Variants in FTCDNL1 observed in about 807,000 individuals in gnomAD.
FTCDNL1 encodes formiminotransferase cyclodeaminase N-terminal like, also known as formiminotransferase N-terminal subdomain-containing protein.
In FTCDNL1, 11 loss-of-function variants were observed where a neutral mutation model predicts 5.9. That is an observed-to-expected ratio of 1.87 (90% CI 1.18 to 3.10). The LOEUF (loss-of-function observed/expected upper bound fraction) is 3.10, where lower values mean the gene tolerates loss of function less well. Among genes scored for constraint, FTCDNL1 ranks in the 30% most tolerant of loss-of-function variants. The pLI, the probability that FTCDNL1 is intolerant of heterozygous loss-of-function variation, is 0.00. For synonymous variants in FTCDNL1, 58 were observed against 24.8 expected (o/e 2.34, Z -3.99); for missense variants, 115 against 65.5 (o/e 1.76, Z -2.61).
intron 3 of FTCDNL1, among the ~76,000 whole-genome samples, chr2:199,764,011 T>G (rs970671492): frequency 6.6e-6 from 1 of 152,032 alleles, no homozygotes; most frequent in African/African-American, 2.4e-5. Context: ...CTGGCTAATT[T>G]TTATATTTTT....
the FTCDNL1 span, among the ~76,000 whole-genome samples, chr2:199,725,076 G>A: frequency 6.6e-6 from 1 of 152,136 alleles, no homozygotes; most frequent in Admixed American, 6.5e-5. Flanking sequence ...TGTATTGGAT[G>A]CATATATATA....
At chr2:199,743,136 G>T in the FTCDNL1 span, among the ~76,000 whole-genome samples, 1 of 152,150 alleles carries the variant, frequency 6.6e-6, no homozygotes, top group African/African-American at 2.4e-5. Context: ...ACAGTGGTGT[G>T]GTTACCATAA....
rs950762123 is a variant in FTCDNL1 at position 199,809,760 on chromosome 2, A to G, written c.*2945T>C. On this transcript the variant is annotated 3_prime_UTR_variant, in exon 5 of 5. Coordinates refer to ENST00000420128, the MANE Select transcript of FTCDNL1 (RefSeq NM_001363886.2). ...CCAACACCATCATGCCATCTCCCCA[A>G]TATAAACATTTCAAAATTCTATATC... 6.6e-6 allele frequency among the ~76,000 whole-genome samples: 1 copy of G among 152,210 alleles called. No homozygotes were observed. The highest frequency in any genetic ancestry group is 1.5e-5 in the Non-Finnish European group (1 of 68,038).
chr2:199,824,001 G>A (rs1236834052), intron 3 of FTCDNL1, among the ~76,000 whole-genome samples: 1 of 152,098 alleles, frequency 6.6e-6, no homozygotes, highest in Non-Finnish European at 1.5e-5. Flanking sequence ...TTTTTGTAGA[G>A]ACAGGGTCTC....
the FTCDNL1 span, among the ~76,000 whole-genome samples, chr2:199,721,422 C>T: frequency 6.6e-6 from 1 of 152,132 alleles, no homozygotes; most frequent in African/African-American, 2.4e-5. Flanking sequence ...CTTCCAGGTC[C>T]ATCCATGTCC....
intron 3 of FTCDNL1, among the ~76,000 whole-genome samples, chr2:199,771,827 C>A (rs1322057737): frequency 1.3e-5 from 2 of 152,202 alleles, no homozygotes. Flanking sequence ...GAATATACTA[C>A]TTCCCCCCTT....
At chr2:199,796,227 G>A (rs755926642) in intron 3 of FTCDNL1, among the ~76,000 whole-genome samples, 3 of 151,978 alleles carry the variant, frequency 2.0e-5, no homozygotes, top group African/African-American at 4.8e-5. Flanking sequence ...AGTTTATCAC[G>A]GTGACAATAA....
At chr2:199,709,884 A>G in the FTCDNL1 span, among the ~76,000 whole-genome samples, 2 of 149,352 alleles carry the variant, frequency 1.3e-5, no homozygotes, top group Non-Finnish European at 2.9e-5. Flanking sequence ...TATTGTCACA[A>G]TACCTCTTTT....
At chr2:199,672,350 A>T in the FTCDNL1 span, among the ~76,000 whole-genome samples, 1 of 152,220 alleles carries the variant, frequency 6.6e-6, no homozygotes, top group Non-Finnish European at 1.5e-5. Flanking sequence ...ATATAAATAG[A>T]TTTACTACAT....
At chr2:199,665,374 G>T in the FTCDNL1 span, among the ~76,000 whole-genome samples, 2 of 152,204 alleles carry the variant, frequency 1.3e-5, no homozygotes, top group Non-Finnish European at 2.9e-5. Context: ...GCTCATGCTT[G>T]TAATACCAGC....
At chr2:199,801,034 CA>C (rs1430812922) in intron 3 of FTCDNL1, among the ~76,000 whole-genome samples, 1 of 152,220 alleles carries the variant, frequency 6.6e-6, no homozygotes, top group African/African-American at 2.4e-5. Context: ...CTTCTGGCTC[CA>C]TAGCTTTTGA....
At chr2:199,749,853 CATG>C in the FTCDNL1 span, among the ~76,000 whole-genome samples, 1 of 152,032 alleles carries the variant, frequency 6.6e-6, no homozygotes, top group Non-Finnish European at 1.5e-5. Flanking sequence ...AGAAACAGCA[CATG>C]ATATTTTCCA....
At chr2:199,831,354 C>A (rs912178894) in intron 3 of FTCDNL1, among the ~76,000 whole-genome samples, 1 of 152,180 alleles carries the variant, frequency 6.6e-6, no homozygotes, top group Non-Finnish European at 1.5e-5. Context: ...TGCATTTGTG[C>A]ACAAGAGGGA....
the FTCDNL1 span, among the ~76,000 whole-genome samples, chr2:199,708,870 A>T: frequency 1.3e-5 from 2 of 152,036 alleles, no homozygotes; most frequent in African/African-American, 4.8e-5. Flanking sequence ...ACATTTCTGG[A>T]GCTCTTTTTC....
intron 3 of FTCDNL1, among the ~76,000 whole-genome samples, chr2:199,837,699 A>T (rs184574219): frequency 1.1e-4 from 16 of 152,328 alleles, no homozygotes; most frequent in Middle Eastern, 3.4e-3. Flanking sequence ...GATCATTCTG[A>T]TCAAAGTCCT....
At chr2:199,755,660 C>T (rs1311037296), downstream of FTCDNL1, among the ~76,000 whole-genome samples, 1 of 152,120 alleles carries the variant, frequency 6.6e-6, no homozygotes, top group East Asian at 1.9e-4. Flanking sequence ...TTATTATCAT[C>T]GTTACGGTCA....
At chr2:199,755,597 A>G (rs1200871252), downstream of FTCDNL1, among the ~76,000 whole-genome samples, 1 of 152,234 alleles carries the variant, frequency 6.6e-6, no homozygotes, top group Non-Finnish European at 1.5e-5. Context: ...TTCCCTATAC[A>G]CAGCAGTATC....
chr2:199,778,434 C>T (rs62178290), intron 3 of FTCDNL1, among the ~76,000 whole-genome samples: 4,138 of 152,214 alleles, frequency 0.027, 55 homozygotes, highest in Non-Finnish European at 0.033. Flanking sequence ...GAACACATTC[C>T]TTAAGGTAAA....
chr2:199,687,964 G>A, the FTCDNL1 span, among the ~76,000 whole-genome samples: 11 of 151,960 alleles, frequency 7.2e-5, no homozygotes, highest in Middle Eastern at 3.2e-3. Context: ...GCATGTCTCT[G>A]GGTCGCGTGT....
Sources: allele counts gnomAD v4.1 joint callset (sites outside exome capture counted in the v4.1 genomes callset), GRCh38; gene constraint gnomAD v4.1.1; transcripts MANE v1.5; gene names NCBI Gene and HGNC (gene_info 2026-07-23, HGNC 2026-07-21).